Variants in FMN2 observed in about 807,000 individuals in gnomAD.
FMN2 encodes the protein formin 2.
In FMN2, 51 loss-of-function variants were observed where a neutral mutation model predicts 142.3. The ratio of observed to expected loss-of-function variants is 0.36; its 90% CI spans 0.29 to 0.45. The LOEUF (loss-of-function observed/expected upper bound fraction) is 0.45, where lower values mean the gene tolerates loss of function less well. Ranked by LOEUF, FMN2 falls within the 20% of genes least tolerant of loss-of-function variation. The pLI is 1.00. For synonymous variants in FMN2, 882 were observed against 869.8 expected (o/e 1.01, Z -0.25); for missense variants, 1,936 against 2,122.8 (o/e 0.91, Z 1.73).
In FMN2 at chr1:240,465,384, G is replaced by GTGTGTGTC. The variant is rs1241874596; in HGVS notation, c.5061-6985_5061-6984insGTGTCTGT. Among the ~76,000 whole-genome samples, 99 of 129,020 alleles carry GTGTGTGTC rather than the reference G, an allele frequency of 7.7e-4. 1 individual carries two copies. The highest frequency in any genetic ancestry group is 2.6e-3 in the African/African-American group (95 of 36,022). The allele number at this position is 129,020 out of a possible 152,430, so 84.6% of individuals were successfully genotyped here. A position where few individuals can be genotyped will look rare whatever the true frequency, so the allele number is the denominator to read the frequency against. On this transcript the variant is annotated intron_variant, in intron 16 of 17. Coordinates refer to ENST00000319653, the MANE Select transcript of FMN2 (RefSeq NM_020066.5). ...TGTGTGTGTGTGTGTGTGTGTGTGTGTGTCTGTCTTTCTCTTTTTTCTCTC... is the reference window on the plus strand; with the variant it reads ...TGTGTGTGTGTGTGTGTGTGTGTGTGTGTGTGTCTGTCTGTCTTTCTCTTTTTTCTCTC...
At chr1:240,284,921 G>A (rs565176931) in intron 7 of FMN2, among the ~76,000 whole-genome samples, 127 of 152,152 alleles carry the variant, frequency 8.3e-4, no homozygotes, top group Admixed American at 2.1e-3. Flanking sequence ...ATCTTAACTC[G>A]CTGGGATCTA....
intron 14 of FMN2, among the ~76,000 whole-genome samples, chr1:240,383,665 A>G (rs1286553080): frequency 1.3e-5 from 2 of 152,102 alleles, no homozygotes; most frequent in Non-Finnish European, 2.9e-5. Flanking sequence ...CAACCTCTAC[A>G]AAAAACAGTT....
At chr1:240,209,036 G>A (rs1211188440) in intron 5 of FMN2, among the ~76,000 whole-genome samples, 3 of 151,984 alleles carry the variant, frequency 2.0e-5, no homozygotes, top group Admixed American at 6.6e-5. Context: ...TAAAATACAT[G>A]CTCTGTTATC....
chr1:240,454,083 A>G (rs1014493570), intron 16 of FMN2, among the ~76,000 whole-genome samples: 1 of 152,184 alleles, frequency 6.6e-6, no homozygotes, highest in Non-Finnish European at 1.5e-5. Context: ...GAGGGAGTTC[A>G]TATCTTTTTG....
chr1:240,137,962 C>T (rs1195579353), intron 2 of FMN2, among the ~76,000 whole-genome samples: 2 of 149,122 alleles, frequency 1.3e-5, no homozygotes, highest in African/African-American at 2.5e-5. Flanking sequence ...CAGTCGTGTG[C>T]GCTGAGGCAG....
chr1:240,222,614 C>T (rs555032982), intron 6 of FMN2, among the ~76,000 whole-genome samples: 1 of 152,220 alleles, frequency 6.6e-6, no homozygotes, highest in Admixed American at 6.5e-5. Flanking sequence ...TTGATTCTTC[C>T]TATCCATGAG....
intron 7 of FMN2, among the ~76,000 whole-genome samples, chr1:240,285,017 T>G (rs1381727669): frequency 2.0e-5 from 3 of 152,172 alleles, no homozygotes; most frequent in Non-Finnish European, 2.9e-5. Context: ...CTTTTTCCTC[T>G]TCGTTTCCTT....
chr1:240,154,811 T>A (rs1302512443), intron 2 of FMN2: 1 of 148,306 alleles, frequency 6.7e-6, no homozygotes, highest in Non-Finnish European at 1.5e-5. Flanking sequence ...AGGAATATGC[T>A]AATTTTTTCC....
intron 3 of FMN2, 141 bp from the exon 4 acceptor site, chr1:240,188,066 G>GT: frequency 1.4e-6 from 1 of 707,012 alleles, no homozygotes; most frequent in East Asian, 2.7e-5. Flanking sequence ...TAATAACCCA[G>GT]TTATATAATT....
At chr1:240,262,659 G>A (rs1668669174) in intron 7 of FMN2, among the ~76,000 whole-genome samples, 1 of 151,852 alleles carries the variant, frequency 6.6e-6, no homozygotes, top group African/African-American at 2.4e-5. Context: ...CCCCAACAAT[G>A]TCACGGTTAG....
chr1:240,409,867 T>G (rs1028210455), intron 15 of FMN2, among the ~76,000 whole-genome samples: 4 of 152,218 alleles, frequency 2.6e-5, no homozygotes, highest in African/African-American at 7.2e-5. Flanking sequence ...TAACCTATTA[T>G]GTATTTCAGG....
At chr1:240,248,324 T>A (rs532049351) in intron 6 of FMN2, among the ~76,000 whole-genome samples, 123 of 151,802 alleles carry the variant, frequency 8.1e-4, no homozygotes, top group African/African-American at 2.9e-3. Context: ...ATTCTTTTTT[T>A]ATGCCTGGAT....
At chr1:240,245,955 C>T (rs193246028) in intron 6 of FMN2, among the ~76,000 whole-genome samples, 134 of 151,238 alleles carry the variant, frequency 8.9e-4, no homozygotes, top group African/African-American at 3.1e-3. Context: ...CCGTGGCGGG[C>T]GGATCACGAG....
intron 6 of FMN2, among the ~76,000 whole-genome samples, chr1:240,225,935 C>A (rs964398324): frequency 2.6e-5 from 4 of 151,938 alleles, no homozygotes; most frequent in African/African-American, 9.7e-5. Context: ...ATTTAACGAT[C>A]GATTAGTGGT....
At chr1:240,126,828 T>A (rs1662528473) in intron 2 of FMN2, among the ~76,000 whole-genome samples, 1 of 152,152 alleles carries the variant, frequency 6.6e-6, no homozygotes, top group Admixed American at 6.6e-5. Flanking sequence ...AGAGACAGAT[T>A]TTTTTTCAGA....
At chr1:240,427,292 G>A (rs757571802) in intron 15 of FMN2, among the ~76,000 whole-genome samples, 16 of 151,276 alleles carry the variant, frequency 1.1e-4, no homozygotes, top group East Asian at 3.9e-4. Flanking sequence ...TGCAAGCTCC[G>A]CCTCCTGGGT....
At chr1:240,472,332 A>C in intron 16 of FMN2, 40 bp from the exon 17 acceptor site, 1 of 1,478,574 alleles carries the variant, frequency 6.8e-7, no homozygotes, top group Non-Finnish European at 9.4e-7. Context: ...AGGTGATCTA[A>C]GTAGGTTTTG....
chr1:240,277,437 C>CT (rs11444913), intron 7 of FMN2, among the ~76,000 whole-genome samples: 32,855 of 109,246 alleles, frequency 0.3, 4,536 homozygotes, highest in African/African-American at 0.44. Context: ...TCTGCCTTTT[C>CT]TTTTTTTTTT....
chr1:240,325,421 AAG>A (rs1235001618), intron 8 of FMN2, among the ~76,000 whole-genome samples: 1 of 152,180 alleles, frequency 6.6e-6, no homozygotes, highest in Non-Finnish European at 1.5e-5. Context: ...AGGTTAAAAA[AAG>A]AGTGTATACT....
Sources: allele counts gnomAD v4.1 joint callset (sites outside exome capture counted in the v4.1 genomes callset), GRCh38; gene constraint gnomAD v4.1.1; transcripts MANE v1.5; gene names NCBI Gene and HGNC (gene_info 2026-07-23, HGNC 2026-07-21).